PHIP: variants seen among roughly 807,000 people sequenced by gnomAD.
The protein encoded by PHIP is PH-interacting protein.
Under a neutral mutation model 236.8 loss-of-function variants are expected in PHIP, and 54 were observed. The ratio of observed to expected loss-of-function variants is 0.23; its 90% CI spans 0.18 to 0.29. PHIP has a LOEUF of 0.29. PHIP is among the 10% of genes least tolerant of loss of function. The pLI is 1.00. For synonymous variants in PHIP, 756 were observed against 718.9 expected (o/e 1.05, Z -0.83); for missense variants, 1,370 against 2,190.8 (o/e 0.63, Z 7.48).
intron 24 of PHIP, among the ~76,000 whole-genome samples, chr6:78,974,740 A>G (rs2127711313): frequency 6.6e-6 from 1 of 152,226 alleles, no homozygotes; most frequent in South Asian, 2.1e-4. Flanking sequence ...GAATACTACA[A>G]ACACTTCTAC....
At chr6:78,969,012 G>C (rs1453176910) in intron 27 of PHIP, among the ~76,000 whole-genome samples, 1 of 152,152 alleles carries the variant, frequency 6.6e-6, no homozygotes, top group Non-Finnish European at 1.5e-5. Flanking sequence ...CCTGTTTCCT[G>C]AGGGGATTCC....
At chr6:78,966,638 T>C (rs1417656068) in intron 27 of PHIP, among the ~76,000 whole-genome samples, 2 of 152,224 alleles carry the variant, frequency 1.3e-5, no homozygotes, top group East Asian at 1.9e-4. Flanking sequence ...GGACACTCCT[T>C]GTGTCTATTT....
At position 78,991,669 on chromosome 6, in the gene PHIP, T is replaced by A. The variant is rs1409409945; in HGVS notation, c.2202-684A>T. Reference sequence around the variant, plus strand: ...TTAAGATTTTATAATAAGAAGGTAGTTAATACTAAAACACAGTGCAACTAT... The same window carrying A: ...TTAAGATTTTATAATAAGAAGGTAGATAATACTAAAACACAGTGCAACTAT... On this transcript the variant is annotated intron_variant, in intron 19 of 39. Transcript: ENST00000275034. Among the ~76,000 whole-genome samples the A allele has an allele frequency of 2.0e-5, 3 of 152,144 alleles. No individual in the cohort carries two copies. The East Asian group carries it at 5.8e-4, about 29-fold the overall frequency.
chr6:79,062,521 TTTTAC>T (rs1185526613), intron 4 of PHIP, among the ~76,000 whole-genome samples: 1 of 152,186 alleles, frequency 6.6e-6, no homozygotes, highest in Non-Finnish European at 1.5e-5. Flanking sequence ...CTTTTAAAAA[TTTTAC>T]TTTAAAGAAG....
At chr6:78,992,341 A>G (rs775879081) in intron 19 of PHIP, among the ~76,000 whole-genome samples, 3 of 152,212 alleles carry the variant, frequency 2.0e-5, no homozygotes, top group Non-Finnish European at 4.4e-5. Flanking sequence ...ACATGGTACA[A>G]CATCAGAAGG....
chr6:79,006,809 C>A (rs1770316056), intron 15 of PHIP, among the ~76,000 whole-genome samples: 2 of 151,732 alleles, frequency 1.3e-5, no homozygotes, highest in African/African-American at 4.8e-5. Context: ...GTTATGCATT[C>A]TTTTGGATAT....
chr6:78,971,488 T>C (rs1767546600), intron 24 of PHIP, among the ~76,000 whole-genome samples: 1 of 152,184 alleles, frequency 6.6e-6, no homozygotes, highest in Admixed American at 6.5e-5. Flanking sequence ...TCCCATACTT[T>C]CATTCTATTC....
Position 79,060,465 on chromosome 6 carries a change from T to A in PHIP, c.439+13A>T. 1 of 1,594,752 alleles carries A rather than the reference T, an allele frequency of 6.3e-7. No individual in the cohort carries two copies. Among genetic ancestry groups the A allele is most frequent in the Non-Finnish European group, 8.6e-7 (1 of 1,167,520 alleles). On this transcript the variant is annotated intron_variant, in intron 6 of 39. Coordinates refer to ENST00000275034, the MANE Select transcript of PHIP (RefSeq NM_017934.7). ...AAGAGGCTATTAACTACTAGTGAAC[T>A]CAAACAACTCACCAATGCTGGGTGG... is the stretch of plus-strand genomic sequence containing the variant.
intron 9 of PHIP, among the ~76,000 whole-genome samples, 168 bp from the exon 10 acceptor site, chr6:79,019,327 G>T (rs139697851): frequency 2.4e-4 from 37 of 152,166 alleles, no homozygotes; most frequent in Non-Finnish European, 4.9e-4. Flanking sequence ...AGAAGATCTT[G>T]TAGAAATTCT....
intron 4 of PHIP, among the ~76,000 whole-genome samples, chr6:79,066,979 C>T (rs1487332360): frequency 6.6e-6 from 1 of 152,100 alleles, no homozygotes; most frequent in Non-Finnish European, 1.5e-5. Flanking sequence ...GCCTCAAATT[C>T]CTGGGCTCAA....
In PHIP at chr6:78,995,061, C is replaced by A. The variant is rs909588944; in HGVS notation, c.2201+2353G>T. ...CCAAAGTATGCCTGTATCTTAGCAACCTAAATCTGTTCTCCATTCCTATAC... is the reference window on the plus strand; with the variant it reads ...CCAAAGTATGCCTGTATCTTAGCAAACTAAATCTGTTCTCCATTCCTATAC... On this transcript the variant is annotated intron_variant, in intron 19 of 39. Transcript: ENST00000275034. Among the ~76,000 whole-genome samples, 4 of 152,166 alleles carry A rather than the reference C, an allele frequency of 2.6e-5. No individual in the cohort carries two copies. The East Asian group carries it at 7.7e-4, about 29-fold the overall frequency.
At chr6:78,967,169 T>A (rs957894291) in intron 27 of PHIP, among the ~76,000 whole-genome samples, 2 of 152,124 alleles carry the variant, frequency 1.3e-5, no homozygotes, top group South Asian at 4.1e-4. Context: ...AATTAAAAAT[T>A]AGAAAAACAA....
At chr6:79,014,196 T>A (rs1770727252) in intron 15 of PHIP, among the ~76,000 whole-genome samples, 1 of 151,782 alleles carries the variant, frequency 6.6e-6, no homozygotes, top group South Asian at 2.1e-4. Context: ...TTACTCTGAT[T>A]ATCAATCAAG....
chr6:78,946,297 C>A (rs1231403404), intron 37 of PHIP, 37 bp from the exon 38 acceptor site: 1 of 1,565,120 alleles, frequency 6.4e-7, no homozygotes, highest in Non-Finnish European at 8.7e-7. Context: ...ACTCTTATAG[C>A]TCTATGTGAA....
chr6:79,041,492 A>G (rs1195252014), intron 7 of PHIP, among the ~76,000 whole-genome samples: 1 of 152,176 alleles, frequency 6.6e-6, no homozygotes, highest in Non-Finnish European at 1.5e-5. Context: ...GCATAACTTT[A>G]TACTGACCTA....
At position 78,936,733 on chromosome 6, in the gene PHIP, A is replaced by G. The variant is rs890085225; in HGVS notation, c.*3960T>C. ...TACAAGGTTTATCTCTGGAGCGCCA[A>G]AAGTGGTACTTACAGTCTTCTGACT... On this transcript the variant is annotated 3_prime_UTR_variant, in exon 40 of 40. Transcript: ENST00000275034. 3.3e-5 allele frequency: 5 copies of G among 151,862 alleles called. No individual in the cohort carries two copies. Among genetic ancestry groups the G allele is most frequent in the Non-Finnish European group, 5.9e-5 (4 of 67,778 alleles). 9.4% of individuals were successfully genotyped at this position (151,862 alleles called of 1,614,324 possible).
In PHIP at chr6:79,026,175, G is replaced by C; in HGVS notation, c.601-11C>G. Reference sequence around the variant, plus strand: ...ACAGTCATCAGAACCCTTAAAGTAAGAATGGATATTAATAGAATTAACCCC... The same window carrying C: ...ACAGTCATCAGAACCCTTAAAGTAACAATGGATATTAATAGAATTAACCCC... On this transcript the variant is annotated splice_polypyrimidine_tract_variant and intron_variant, in intron 7 of 39. Transcript: ENST00000275034. 1.9e-6 allele frequency: 3 copies of C among 1,567,860 alleles called. No homozygotes were observed. Among genetic ancestry groups the C allele is most frequent in the Non-Finnish European group, 2.6e-6 (3 of 1,138,246 alleles).
chr6:78,968,520 A>G (rs1767303692), intron 27 of PHIP, among the ~76,000 whole-genome samples: 1 of 152,202 alleles, frequency 6.6e-6, no homozygotes, highest in African/African-American at 2.4e-5. Flanking sequence ...TCTGGAACCT[A>G]TGTATGCAAA....
At chr6:79,027,892 T>A (rs1771487311) in intron 7 of PHIP, among the ~76,000 whole-genome samples, 1 of 152,098 alleles carries the variant, frequency 6.6e-6, no homozygotes, top group South Asian at 2.1e-4. Context: ...TGCCTCAGAT[T>A]TCTCACCTAT....
Sources: allele counts gnomAD v4.1 joint callset (sites outside exome capture counted in the v4.1 genomes callset), GRCh38; gene constraint gnomAD v4.1.1; transcripts MANE v1.5; gene names NCBI Gene and HGNC (gene_info 2026-07-23, HGNC 2026-07-21).